BAALC: variants seen among roughly 807,000 people sequenced by gnomAD.
BAALC encodes brain and acute leukemia cytoplasmic protein.
BAALC carries 9 observed loss-of-function variants against 15.5 expected under a neutral mutation model. The observed-to-expected ratio is 0.58, with a 90% CI of 0.35 to 1.02. BAALC has a LOEUF of 1.02. BAALC is among the 50% of genes least tolerant of loss of function. The pLI is 0.02. For synonymous variants in BAALC, 80 were observed against 74.6 expected (o/e 1.07, Z -0.37); for missense variants, 201 against 192.4 (o/e 1.04, Z -0.27).
intron 1 of BAALC, among the ~76,000 whole-genome samples, chr8:103,155,742 G>T (rs996955593): frequency 6.6e-6 from 1 of 152,122 alleles, no homozygotes; most frequent in African/African-American, 2.4e-5. Flanking sequence ...TCAAACAAAC[G>T]TCCCACCCCA....
chr8:103,196,762 C>T (rs780203816), intron 1 of BAALC, among the ~76,000 whole-genome samples: 9 of 152,206 alleles, frequency 5.9e-5, no homozygotes, highest in Non-Finnish European at 1.0e-4. Context: ...GAGCAATCCT[C>T]CCTGGAGCAG....
Position 103,228,249 on chromosome 8 carries a change from G to A in BAALC, c.*150G>A. The A allele has an allele frequency of 1.6e-6, 1 of 606,982 alleles. No homozygotes were observed. Among genetic ancestry groups the A allele is most frequent in the Non-Finnish European group, 2.9e-6 (1 of 343,018 alleles). The allele number at this position is 606,982 out of a possible 1,614,324, so 37.6% of individuals were successfully genotyped here. A position where few individuals can be genotyped will look rare whatever the true frequency, so the allele number is the denominator to read the frequency against. On this transcript the variant is annotated 3_prime_UTR_variant, in exon 3 of 3. Coordinates refer to ENST00000309982, the MANE Select transcript of BAALC (RefSeq NM_024812.3). ...AGACTGTCTTACCTGGCAGCAAACT[G>A]CTGCCTGATTTGTTGGGACCTTCTG...
At chr8:103,157,251 AT>A (rs1203124541) in intron 1 of BAALC, among the ~76,000 whole-genome samples, 2 of 152,188 alleles carry the variant, frequency 1.3e-5, no homozygotes, top group South Asian at 2.1e-4. Context: ...AGCCTTAGAC[AT>A]TTTTTAATAT....
At chr8:103,144,769 A>T (rs1810846196) in intron 1 of BAALC, among the ~76,000 whole-genome samples, 1 of 152,248 alleles carries the variant, frequency 6.6e-6, no homozygotes, top group Admixed American at 6.5e-5. Flanking sequence ...GGTTTGCAGA[A>T]TTACAGACAG....
At chr8:103,186,273 C>T (rs144365486) in intron 1 of BAALC, among the ~76,000 whole-genome samples, 1,714 of 152,264 alleles carry the variant, frequency 0.011, 10 homozygotes, top group Non-Finnish European at 0.017. Flanking sequence ...TTTCTTTATG[C>T]TGCCTTCACA....
chr8:103,209,267 G>A (rs575955764), intron 1 of BAALC, among the ~76,000 whole-genome samples: 87 of 152,252 alleles, frequency 5.7e-4, no homozygotes, highest in African/African-American at 1.9e-3. Flanking sequence ...AGCTACTCAG[G>A]AGGCTGTGGC....
At chr8:103,219,003 C>A (rs534779936) in intron 2 of BAALC, among the ~76,000 whole-genome samples, 18 of 152,288 alleles carry the variant, frequency 1.2e-4, no homozygotes, top group African/African-American at 3.4e-4. Context: ...AAAACAAAAA[C>A]AGGACATTAA....
At chr8:103,196,895 G>T (rs1407419296) in intron 1 of BAALC, among the ~76,000 whole-genome samples, 2 of 152,188 alleles carry the variant, frequency 1.3e-5, no homozygotes, top group Non-Finnish European at 2.9e-5. Flanking sequence ...GTGACCCAGA[G>T]GGTTGAGCTC....
intron 1 of BAALC, chr8:103,153,122 T>G (rs1012430935): frequency 6.6e-6 from 1 of 152,198 alleles, no homozygotes; most frequent in African/African-American, 2.4e-5. Context: ...TGATGTTGTG[T>G]GAGGTCATTT....
chr8:103,149,136 T>C (rs1243684572), intron 1 of BAALC, among the ~76,000 whole-genome samples: 4 of 151,530 alleles, frequency 2.6e-5, no homozygotes, highest in African/African-American at 9.7e-5. Flanking sequence ...GCAGGGTCCA[T>C]TGTGCTGTGC....
At chr8:103,176,338 C>A (rs1341078054) in intron 1 of BAALC, among the ~76,000 whole-genome samples, 1 of 151,890 alleles carries the variant, frequency 6.6e-6, no homozygotes, top group Non-Finnish European at 1.5e-5. Flanking sequence ...CTAGTCATTG[C>A]AGAATATAAT....
At chr8:103,213,935 A>T (rs1812506606) in intron 2 of BAALC, among the ~76,000 whole-genome samples, 1 of 152,190 alleles carries the variant, frequency 6.6e-6, no homozygotes, top group Non-Finnish European at 1.5e-5. Flanking sequence ...AAGTTTATTC[A>T]TGAGGCAGCC....
chr8:103,210,052 C>T (rs72673336), intron 1 of BAALC, among the ~76,000 whole-genome samples: 10,737 of 152,228 alleles, frequency 0.071, 423 homozygotes, highest in Middle Eastern at 0.2. Flanking sequence ...TGTACACTGC[C>T]CTAGCCCCAG....
chr8:103,205,038 T>C (rs540189546), intron 1 of BAALC, among the ~76,000 whole-genome samples: 1 of 152,300 alleles, frequency 6.6e-6, no homozygotes, highest in South Asian at 2.1e-4. Context: ...TCTTTCCATA[T>C]TGATTGCCAA....
rs555565913 is a variant in BAALC, at chr8:103,200,638, C to A, written c.161-12281C>A. On this transcript the variant is annotated intron_variant, in intron 1 of 2. Transcript: ENST00000309982. Reference sequence around the variant, plus strand: ...CCTATACTGGATAATTTATAAGTAACAGAAAATTATTTCTCACAGTTCTGG... The same window carrying A: ...CCTATACTGGATAATTTATAAGTAAAAGAAAATTATTTCTCACAGTTCTGG... The A allele has an allele frequency of 4.0e-5, 27 of 674,638 alleles. No individual in the cohort carries two copies. The Admixed American group carries it at 5.2e-4, about 13-fold the overall frequency. 41.8% of individuals were successfully genotyped at this position (674,638 alleles called of 1,614,324 possible).
intron 1 of BAALC, among the ~76,000 whole-genome samples, chr8:103,143,480 A>G (rs1810825715): frequency 6.6e-6 from 1 of 152,196 alleles, no homozygotes; most frequent in South Asian, 2.1e-4. Flanking sequence ...AGGAGAGTCC[A>G]GACTGTGAAA....
At chr8:103,145,835 T>C (rs998014697) in intron 1 of BAALC, among the ~76,000 whole-genome samples, 2 of 152,200 alleles carry the variant, frequency 1.3e-5, no homozygotes, top group Admixed American at 1.3e-4. Flanking sequence ...GAATCCTGAA[T>C]TGGTATAATT....
chr8:103,183,750 G>T (rs1423206411), intron 1 of BAALC, among the ~76,000 whole-genome samples: 1 of 152,148 alleles, frequency 6.6e-6, no homozygotes, highest in Admixed American at 6.5e-5. Context: ...GAAGCTGGTT[G>T]CAGGCATAGA....
At chr8:103,218,479 T>A (rs1038060864) in intron 2 of BAALC, among the ~76,000 whole-genome samples, 2 of 152,166 alleles carry the variant, frequency 1.3e-5, no homozygotes, top group Admixed American at 1.3e-4. Flanking sequence ...ACTAATTAGT[T>A]GTTCAGGAAC....
Sources: gnomAD v4.1 joint callset for allele counts (sites outside exome capture counted in the v4.1 genomes callset) on GRCh38, gnomAD v4.1.1 for gene constraint, MANE v1.5 for transcripts, NCBI Gene and HGNC (gene_info 2026-07-23, HGNC 2026-07-21) for gene names.